TEC: variants seen among roughly 807,000 people sequenced by gnomAD.
TEC encodes the protein tec protein tyrosine kinase.
A neutral mutation model predicts 93.0 loss-of-function variants in TEC; 72 were observed. The ratio of observed to expected loss-of-function variants is 0.77; its 90% CI spans 0.64 to 0.94. TEC has a LOEUF of 0.94. Among genes scored for constraint, TEC ranks in the 40% least tolerant of loss-of-function variants. The probability of loss-of-function intolerance (pLI) is 0.00; values close to 1 mark genes in which losing one functional copy is unlikely to be tolerated. For synonymous variants in TEC, 249 were observed against 247.7 expected (o/e 1.01, Z -0.05); for missense variants, 630 against 757.9 (o/e 0.83, Z 1.98).
chr4:48,234,815 A>G (rs1560420543), intron 1 of TEC, among the ~76,000 whole-genome samples: 1 of 152,112 alleles, frequency 6.6e-6, no homozygotes, highest in African/African-American at 2.4e-5. Flanking sequence ...GTAGGAGGAG[A>G]AGGAGGAAAA....
chr4:48,150,397 C>T (rs1720107045), intron 10 of TEC, among the ~76,000 whole-genome samples: 1 of 152,168 alleles, frequency 6.6e-6, no homozygotes, highest in African/African-American at 2.4e-5. Context: ...CTGGATATCA[C>T]TTGGGAGAGC....
intron 3 of TEC, among the ~76,000 whole-genome samples, chr4:48,173,082 T>C (rs1721180832): frequency 6.6e-6 from 1 of 152,194 alleles, no homozygotes; most frequent in African/African-American, 2.4e-5. Context: ...TCTTTCTTAG[T>C]GTTAGAATCC....
At chr4:48,201,859 A>G (rs1319860892) in intron 2 of TEC, among the ~76,000 whole-genome samples, 3 of 152,116 alleles carry the variant, frequency 2.0e-5, no homozygotes, top group African/African-American at 7.2e-5. Flanking sequence ...TCCCCAGAGA[A>G]CCAACAGCCC....
At chr4:48,163,450 T>A (rs913021917) in intron 8 of TEC, among the ~76,000 whole-genome samples, 1 of 152,198 alleles carries the variant, frequency 6.6e-6, no homozygotes, top group South Asian at 2.1e-4. Flanking sequence ...TTATTTCAAA[T>A]CAATTCAATT....
chr4:48,154,626 GT>G (rs951051840), intron 9 of TEC, among the ~76,000 whole-genome samples: 2 of 152,078 alleles, frequency 1.3e-5, no homozygotes, highest in African/African-American at 4.8e-5. Context: ...TTATTTAAAG[GT>G]TGTTTCAAAA....
At position 48,228,115 on chromosome 4, in the gene TEC, A is replaced by G. The variant is rs149274027; in HGVS notation, c.138+362T>C. 5.5e-3 allele frequency among the ~76,000 whole-genome samples: 832 copies of G among 152,362 alleles called. 10 individuals carry two copies. Among genetic ancestry groups the G allele is most frequent in the African/African-American group, 0.019 (778 of 41,586 alleles). ...GTTTTAAGTAACTTCTACTTAATAAAGAAGAAATATTCATATAAAGTAATG... is the reference window on the plus strand; with the variant it reads ...GTTTTAAGTAACTTCTACTTAATAAGGAAGAAATATTCATATAAAGTAATG... On this transcript the variant is annotated intron_variant, in intron 2 of 17. Transcript: ENST00000381501.
chr4:48,204,421 G>T (rs957811398), intron 2 of TEC, among the ~76,000 whole-genome samples: 1 of 152,226 alleles, frequency 6.6e-6, no homozygotes, highest in Admixed American at 6.5e-5. Context: ...TCCACTGGGA[G>T]AGGACTCCTG....
At chr4:48,181,544 G>A (rs1039183662) in intron 2 of TEC, among the ~76,000 whole-genome samples, 5 of 149,432 alleles carry the variant, frequency 3.3e-5, no homozygotes, top group Admixed American at 6.7e-5. Context: ...ATGGTGGTGC[G>A]CACCTGTAGT....
intron 1 of TEC, among the ~76,000 whole-genome samples, chr4:48,268,351 C>T (rs1723216967): frequency 1.3e-5 from 2 of 152,230 alleles, no homozygotes; most frequent in Admixed American, 1.3e-4. Context: ...AGAATGTACA[C>T]ACCCTTGTGA....
At chr4:48,180,069 G>T (rs1212833461) in intron 2 of TEC, among the ~76,000 whole-genome samples, 1 of 152,072 alleles carries the variant, frequency 6.6e-6, no homozygotes, top group Non-Finnish European at 1.5e-5. Flanking sequence ...GGGATGACTT[G>T]ATTTTACTTA....
chr4:48,156,487 A>G (rs1720405735), intron 9 of TEC, among the ~76,000 whole-genome samples, 193 bp downstream of exon 9: 1 of 152,114 alleles, frequency 6.6e-6, no homozygotes, highest in Admixed American at 6.6e-5. Flanking sequence ...TCCCTATTAA[A>G]TATTTATTTC....
chr4:48,142,247 G>A (rs971338281), intron 14 of TEC, among the ~76,000 whole-genome samples: 1 of 152,094 alleles, frequency 6.6e-6, no homozygotes, highest in African/African-American at 2.4e-5. Context: ...AAGGCGGGTG[G>A]ATAACTTGAG....
intron 3 of TEC, among the ~76,000 whole-genome samples, chr4:48,174,966 G>A (rs1052232965): frequency 6.6e-6 from 1 of 152,112 alleles, no homozygotes; most frequent in African/African-American, 2.4e-5. Context: ...TTTTTTAAGA[G>A]AGGAAACAGG....
intron 2 of TEC, among the ~76,000 whole-genome samples, chr4:48,208,426 C>T (rs73138454): frequency 7.2e-5 from 11 of 152,238 alleles, no homozygotes; most frequent in African/African-American, 2.6e-4. Flanking sequence ...TCAAAACCCT[C>T]CAAAATCTGC....
At chr4:48,193,317 T>C (rs2109584948) in intron 2 of TEC, among the ~76,000 whole-genome samples, 1 of 152,270 alleles carries the variant, frequency 6.6e-6, no homozygotes, top group Admixed American at 6.5e-5. Context: ...TTTGCTCATA[T>C]TTTTTATCTT....
intron 2 of TEC, among the ~76,000 whole-genome samples, chr4:48,192,352 G>GAA (rs1722121826): frequency 6.6e-6 from 1 of 152,220 alleles, no homozygotes; most frequent in South Asian, 2.1e-4. Flanking sequence ...TGGTGGGCAT[G>GAA]AAGAGGGAGG....
chr4:48,231,512 T>G (rs1423126849), intron 1 of TEC, among the ~76,000 whole-genome samples: 1 of 152,136 alleles, frequency 6.6e-6, no homozygotes, highest in Non-Finnish European at 1.5e-5. Context: ...ATCCCAGCAC[T>G]TTGGGAGGCC....
At chr4:48,178,800 CT>C (rs1356409295) in intron 2 of TEC, among the ~76,000 whole-genome samples, 1 of 152,182 alleles carries the variant, frequency 6.6e-6, no homozygotes, top group Admixed American at 6.5e-5. Context: ...GGGAAGCATG[CT>C]TTTCACCTGC....
At chr4:48,236,528 C>T (rs1315902513) in intron 1 of TEC, among the ~76,000 whole-genome samples, 1 of 152,144 alleles carries the variant, frequency 6.6e-6, no homozygotes, top group Non-Finnish European at 1.5e-5. Flanking sequence ...GTGATCCACC[C>T]GTCGCGGCCT....
Sources: gnomAD v4.1 joint callset for allele counts (sites outside exome capture counted in the v4.1 genomes callset) on GRCh38, gnomAD v4.1.1 for gene constraint, MANE v1.5 for transcripts, NCBI Gene and HGNC (gene_info 2026-07-23, HGNC 2026-07-21) for gene names.